The following KCTD3 variants were observed in gnomAD, a reference collection of about 807,000 sequenced individuals.
The protein encoded by KCTD3 is potassium channel tetramerization domain containing 3, also known as BTB/POZ domain-containing protein KCTD3.
A neutral mutation model predicts 85.8 loss-of-function variants in KCTD3; 41 were observed. The observed-to-expected ratio is 0.48, with a 90% CI of 0.37 to 0.62. The LOEUF is 0.62. Among genes scored for constraint, KCTD3 ranks in the 20% least tolerant of loss-of-function variants. KCTD3 has a pLI of 0.00. For missense variants in KCTD3, 724 were observed against 989.9 expected, an observed-to-expected ratio of 0.73 and a Z score of 3.60; for synonymous variants, 338 against 345.4, an observed-to-expected ratio of 0.98 and a Z score of 0.24.
intron 7 of KCTD3, among the ~76,000 whole-genome samples, chr1:215,579,450 A>G (rs1558230371): frequency 6.6e-6 from 1 of 152,088 alleles, no homozygotes; most frequent in Admixed American, 6.5e-5. Flanking sequence ...GCATGAACAC[A>G]TAATGGACAA....
At position 215,611,906 on chromosome 1, in the gene KCTD3, C is replaced by G; in HGVS notation, c.1547C>G (p.Ser516Ter). 1 of 1,600,312 alleles carries G rather than the reference C, an allele frequency of 6.2e-7. No individual in the cohort carries two copies. Among genetic ancestry groups the G allele is most frequent in the Non-Finnish European group, 8.6e-7 (1 of 1,168,936 alleles). The part of the protein sequence containing the change: ...PITNKLFVRL[S>*]STGKRICEIQ... ...ACCAACAAACTATTTGTAAGACTCT[C>G]ATCGACTGGAAAAAGGTAACACTTT... Residue 516 changes from serine (S) to a stop codon, truncating the protein, a stop_gained, in exon 15 of 18, where the codon TCA becomes TGA. Coordinates refer to ENST00000259154, the MANE Select transcript of KCTD3 (RefSeq NM_016121.5). LOFTEE classifies it high-confidence loss of function.
intron 15 of KCTD3, among the ~76,000 whole-genome samples, chr1:215,614,018 GTTTTTTT>G (rs577770912): frequency 3.0e-5 from 2 of 66,288 alleles, no homozygotes; most frequent in African/African-American, 6.3e-5. Flanking sequence ...CTTTAGAATA[GTTTTTTT>G]TTTTTTTTTT....
chr1:215,619,968 T>C lies in KCTD3; in HGVS notation c.1887-89T>C, dbSNP rs532245315. ...ATATAATACACTTTATGTATTTATATAGTGTGTTTTATTGGTTGTATAATT... is the reference window on the plus strand; with the variant it reads ...ATATAATACACTTTATGTATTTATACAGTGTGTTTTATTGGTTGTATAATT... On this transcript the variant is annotated intron_variant, in intron 17 of 17. Transcript: ENST00000259154. 13 of 869,084 alleles carry C rather than the reference T, an allele frequency of 1.5e-5. No individual in the cohort carries two copies. The East Asian group carries it at 3.4e-4, about 23-fold the overall frequency. The allele number at this position is 869,084 out of a possible 1,614,324, so 53.8% of individuals were successfully genotyped here. A position where few individuals can be genotyped will look rare whatever the true frequency, so the allele number is the denominator to read the frequency against.
intron 1 of KCTD3, among the ~76,000 whole-genome samples, chr1:215,573,403 A>G (rs928812194): frequency 1.6e-4 from 24 of 152,152 alleles, no homozygotes; most frequent in Non-Finnish European, 3.2e-4. Context: ...TTGTCCTATT[A>G]GAGGGGAAAA....
chr1:215,612,727 C>T (rs529690054), intron 15 of KCTD3, among the ~76,000 whole-genome samples: 10 of 152,206 alleles, frequency 6.6e-5, no homozygotes, highest in Admixed American at 1.3e-4. Flanking sequence ...TAAGGTTCAA[C>T]GACTTTGGCA....
At chr1:215,578,239 A>AT (rs1340109305) in intron 6 of KCTD3, among the ~76,000 whole-genome samples, 158 bp downstream of exon 6, 1 of 152,228 alleles carries the variant, frequency 6.6e-6, no homozygotes, top group East Asian at 1.9e-4. Flanking sequence ...ATTAAGTCAC[A>AT]TTATATATTG....
At position 215,567,763 on chromosome 1, in the gene KCTD3, G is replaced by A. The variant is rs985580163; in HGVS notation, c.78G>A (p.Gly26=). The A allele has an allele frequency of 2.5e-5, 31 of 1,244,508 alleles. No individual in the cohort carries two copies. In the East Asian group the frequency reaches 8.5e-4, roughly 34 times the overall value. The allele number at this position is 1,244,508 out of a possible 1,614,324, so 77.1% of individuals were successfully genotyped here. ...AGATCGTCCAACTGAACGTAGGGGGGACCAGGTGAGTCGGCGGGTAGCGGG... is the reference window on the plus strand; with the variant it reads ...AGATCGTCCAACTGAACGTAGGGGGAACCAGGTGAGTCGGCGGGTAGCGGG... ...SGEIVQLNVG[G]TRFSTSRQTL... The change falls in exon 1 of 18, where the codon GGG becomes GGA. Residue 26 remains glycine, a synonymous_variant. Transcript: ENST00000259154.
intron 11 of KCTD3, 42 bp from the exon 12 acceptor site, chr1:215,602,043 A>G: frequency 2.9e-6 from 4 of 1,384,420 alleles, no homozygotes; most frequent in Non-Finnish European, 4.1e-6. Flanking sequence ...TTAAATAGAT[A>G]TGCTATTTAT....
intron 13 of KCTD3, among the ~76,000 whole-genome samples, chr1:215,607,252 T>C (rs1238895261): frequency 1.3e-5 from 2 of 151,898 alleles, no homozygotes; most frequent in Non-Finnish European, 2.9e-5. Flanking sequence ...TAATAACATA[T>C]TTTCTAAAAT....
chr1:215,568,469 C>G (rs1486310057), intron 1 of KCTD3, among the ~76,000 whole-genome samples: 3 of 101,112 alleles, frequency 3.0e-5, no homozygotes, highest in African/African-American at 4.0e-5. Context: ...TCTGTCTGTT[C>G]TCTTTCTGGC....
rs57935471 is a variant in KCTD3 at position 215,586,905 on chromosome 1, T to C, written c.817+220T>C. On this transcript the variant is annotated intron_variant, in intron 9 of 17. Transcript: ENST00000259154. ...ACCACTTTAAGTGAAACCTGGCTGCTCTATGAAAATATTGCTTTTCCTGAA... is the reference window on the plus strand; with the variant it reads ...ACCACTTTAAGTGAAACCTGGCTGCCCTATGAAAATATTGCTTTTCCTGAA... Among the ~76,000 whole-genome samples the C allele has an allele frequency of 5.9e-3, 898 of 152,230 alleles. 21 individuals carry two copies. In the South Asian group the frequency reaches 0.067, roughly 11 times the overall value.
chr1:215,620,481 C>G lies in KCTD3; in HGVS notation c.2311C>G (p.Pro771Ala). ...GGGFLGRKKV[P>A]YLASSPSTSD... ...AGGATTCCTTGGAAGAAAGAAAGTTCCCTATCTGGCGTCATCACCAAGTAC... is the reference window on the plus strand; with the variant it reads ...AGGATTCCTTGGAAGAAAGAAAGTTGCCTATCTGGCGTCATCACCAAGTAC... The change falls in exon 18 of 18, where the codon CCC (proline) becomes GCC (alanine). Residue 771 changes from proline (P) to alanine (A), a missense_variant. Physicochemically the swap from Pro to Ala is conservative, Grantham distance 27 (BLOSUM62 -1). Around this residue, in one of 6 missense-constraint regions of KCTD3, gnomAD observed 222 missense variants for 217.7 expected, o/e 1.02. Transcript: ENST00000259154. 6.2e-7 allele frequency: 1 copy of G among 1,613,606 alleles called. No homozygotes were observed. Among genetic ancestry groups the G allele is most frequent in the Non-Finnish European group, 8.5e-7 (1 of 1,179,594 alleles).
chr1:215,599,184 G>C (rs1027444141), intron 10 of KCTD3, among the ~76,000 whole-genome samples: 3 of 152,038 alleles, frequency 2.0e-5, no homozygotes, highest in Non-Finnish European at 2.9e-5. Flanking sequence ...GAATGAGAAG[G>C]GTTTTTTTTC....
intron 9 of KCTD3, among the ~76,000 whole-genome samples, chr1:215,591,495 C>T (rs1660216414): frequency 6.6e-6 from 1 of 151,998 alleles, no homozygotes; most frequent in Non-Finnish European, 1.5e-5. Context: ...GTAGCTGGGA[C>T]TACAGGCACA....
In KCTD3 at chr1:215,602,156, A is replaced by G; in HGVS notation, c.1093A>G (p.Asn365Asp). The change falls in exon 12 of 18, where the codon AAT becomes GAT. Residue 365 changes from asparagine (N) to aspartate (D), a missense_variant. Transcript: ENST00000259154. The part of the protein sequence containing the change: ...LVTELYHDPS[N>D]DAITALSVYL... ...AACTGAACTGTATCATGATCCTTCA[A>G]ATGATGCTATTACTGCTCTGAGTGT... 2 of 1,610,128 alleles carry G rather than the reference A, an allele frequency of 1.2e-6. No homozygotes were observed. The highest frequency in any genetic ancestry group is 1.7e-6 in the Non-Finnish European group (2 of 1,177,140).
At chr1:215,618,807 TTCTG>T in intron 15 of KCTD3, 75 bp from the exon 16 acceptor site, 1 of 1,059,232 alleles carries the variant, frequency 9.4e-7, no homozygotes, top group South Asian at 1.5e-5. Context: ...CTTTCTTTCT[TTCTG>T]TCTTTTTAGT....
Position 215,570,435 on chromosome 1 carries a change from T to C in KCTD3, c.83+2667T>C, listed in dbSNP as rs1297295105. 2.6e-5 allele frequency among the ~76,000 whole-genome samples: 4 copies of C among 152,210 alleles called. No homozygotes were observed. In the East Asian group the frequency reaches 7.7e-4, roughly 29 times the overall value. ...ATGACTGAATTTATGATTAATTCTG[T>C]TATGGGCAAGTGTGATTTTGGGCCT... On this transcript the variant is annotated intron_variant, in intron 1 of 17. Transcript: ENST00000259154.
At chr1:215,604,040 T>C (rs1654924744) in intron 12 of KCTD3, 92 bp from the exon 13 acceptor site, 1 of 949,942 alleles carries the variant, frequency 1.1e-6, no homozygotes. Flanking sequence ...TGAATCCAGC[T>C]CTGCCTATTT....
At chr1:215,611,551 G>A (rs1655235867) in intron 14 of KCTD3, among the ~76,000 whole-genome samples, 2 of 151,888 alleles carry the variant, frequency 1.3e-5, no homozygotes, top group African/African-American at 4.8e-5. Flanking sequence ...TACTGTTAAT[G>A]TGGCACCTTA....
Sources: allele counts gnomAD v4.1 joint callset (sites outside exome capture counted in the v4.1 genomes callset), GRCh38; gene constraint gnomAD v4.1.1; regional missense constraint gnomAD v4.1.1; transcripts MANE v1.5; gene names NCBI Gene and HGNC (gene_info 2026-07-23, HGNC 2026-07-21).